Variants in GMDS observed in about 807,000 individuals in gnomAD.
The protein encoded by GMDS is GDP-mannose 4,6 dehydratase.
In GMDS, 20 loss-of-function variants were observed where a neutral mutation model predicts 49.9. The ratio of observed to expected loss-of-function variants is 0.40; its 90% CI spans 0.28 to 0.58. The LOEUF (loss-of-function observed/expected upper bound fraction) is 0.58, where lower values mean the gene tolerates loss of function less well. Among genes scored for constraint, GMDS ranks in the 20% least tolerant of loss-of-function variants. The pLI is 0.42. For missense variants in GMDS, 362 were observed against 481.4 expected, an observed-to-expected ratio of 0.75 and a Z score of 2.32; for synonymous variants, 177 against 178.6, an observed-to-expected ratio of 0.99 and a Z score of 0.07.
chr6:2,082,182 A>G (rs1478675396), intron 4 of GMDS, among the ~76,000 whole-genome samples: 1 of 152,238 alleles, frequency 6.6e-6, no homozygotes, highest in African/African-American at 2.4e-5. Flanking sequence ...GTGTGCGCAC[A>G]CACACACAAA....
intron 7 of GMDS, among the ~76,000 whole-genome samples, chr6:1,886,757 C>A (rs1471531384): frequency 6.6e-6 from 1 of 152,186 alleles, no homozygotes; most frequent in African/African-American, 2.4e-5. Context: ...TTAGATTTGA[C>A]TCTTTCAGCA....
At chr6:1,697,932 G>C (rs1182151886) in intron 9 of GMDS, among the ~76,000 whole-genome samples, 1 of 152,236 alleles carries the variant, frequency 6.6e-6, no homozygotes, top group South Asian at 2.1e-4. Flanking sequence ...ATCCAGTATG[G>C]CTGCGGACGA....
chr6:2,214,931 A>G (rs1780250508), intron 1 of GMDS, among the ~76,000 whole-genome samples: 1 of 152,218 alleles, frequency 6.6e-6, no homozygotes, highest in African/African-American at 2.4e-5. Context: ...ATGATCTTCA[A>G]TGGTTGCTGA....
At chr6:2,130,067 C>T (rs1333367503) in intron 1 of GMDS, among the ~76,000 whole-genome samples, 1 of 152,174 alleles carries the variant, frequency 6.6e-6, no homozygotes, top group East Asian at 1.9e-4. Context: ...GACTCCCAGA[C>T]CTCAGAATTT....
intron 7 of GMDS, among the ~76,000 whole-genome samples, chr6:1,767,649 A>G (rs1303854432): frequency 6.6e-6 from 1 of 152,196 alleles, no homozygotes; most frequent in Non-Finnish European, 1.5e-5. Flanking sequence ...CCGAGTCTGG[A>G]GCGAGTTTCT....
intron 7 of GMDS, among the ~76,000 whole-genome samples, chr6:1,851,980 G>A (rs1024265618): frequency 6.6e-6 from 1 of 151,916 alleles, no homozygotes. Context: ...TCACTGGCAG[G>A]GAGAGGCAGG....
chr6:2,037,550 G>C (rs75639447), intron 4 of GMDS, among the ~76,000 whole-genome samples: 2,981 of 152,272 alleles, frequency 0.02, 138 homozygotes, highest in East Asian at 0.12. Flanking sequence ...CAGACGAGAA[G>C]TACAATCCTA....
chr6:1,938,800 T>C (rs939004265), intron 6 of GMDS, among the ~76,000 whole-genome samples: 2 of 152,142 alleles, frequency 1.3e-5, no homozygotes, highest in Non-Finnish European at 2.9e-5. Context: ...TACTTTCTAC[T>C]CTCTTAATTT....
At chr6:1,650,258 C>T (rs1763611360) in intron 9 of GMDS, among the ~76,000 whole-genome samples, 1 of 152,130 alleles carries the variant, frequency 6.6e-6, no homozygotes, top group Non-Finnish European at 1.5e-5. Context: ...ACAGGATCAT[C>T]TCCTGCCCAT....
intron 7 of GMDS, among the ~76,000 whole-genome samples, chr6:1,926,986 C>T (rs201223106): frequency 1.9e-5 from 2 of 103,376 alleles, no homozygotes; most frequent in East Asian, 3.1e-4. Flanking sequence ...CAGAGGGTAG[C>T]GTGTTGATGT....
chr6:1,821,044 A>T (rs1425453757), intron 7 of GMDS, among the ~76,000 whole-genome samples: 1 of 152,120 alleles, frequency 6.6e-6, no homozygotes, highest in Non-Finnish European at 1.5e-5. Flanking sequence ...ATGCCACCTC[A>T]TTGTGTCTTG....
In GMDS at chr6:2,233,779, C is replaced by T. The variant is rs1039536517; in HGVS notation, c.102+11542G>A. Among the ~76,000 whole-genome samples, 9 of 152,278 alleles carry T rather than the reference C, an allele frequency of 5.9e-5. No homozygotes were observed. In the East Asian group the frequency reaches 1.7e-3, roughly 29 times the overall value. On this transcript the variant is annotated intron_variant, in intron 1 of 10. Coordinates refer to ENST00000380815, the MANE Select transcript of GMDS (RefSeq NM_001500.4). ...CGCCGAAGTTGCAGTGGGCAGTGAT[C>T]GCGCCACTGCACTCCAGCCTGGACA...
chr6:1,760,454 G>A (rs1428844430), intron 7 of GMDS, among the ~76,000 whole-genome samples: 2 of 152,176 alleles, frequency 1.3e-5, no homozygotes, highest in Admixed American at 6.5e-5. Context: ...AGGGGCCAGT[G>A]TGAAAGGAGC....
intron 4 of GMDS, among the ~76,000 whole-genome samples, chr6:2,058,400 A>T (rs1366860383): frequency 4.6e-5 from 7 of 152,042 alleles, no homozygotes; most frequent in Non-Finnish European, 5.9e-5. Context: ...AAATGTCCCT[A>T]AAAAAGATAC....
At chr6:2,022,419 G>A (rs1396867127) in intron 4 of GMDS, among the ~76,000 whole-genome samples, 1 of 152,068 alleles carries the variant, frequency 6.6e-6, no homozygotes, top group Non-Finnish European at 1.5e-5. Flanking sequence ...TTTTGCATTC[G>A]TGAGATTCAT....
At chr6:1,705,701 G>A (rs1482487857) in intron 9 of GMDS, among the ~76,000 whole-genome samples, 2 of 152,174 alleles carry the variant, frequency 1.3e-5, no homozygotes, top group African/African-American at 2.4e-5. Flanking sequence ...GGTGTCCATG[G>A]CAACAGAAGA....
intron 1 of GMDS, among the ~76,000 whole-genome samples, chr6:2,126,721 G>A (rs984544350): frequency 6.6e-6 from 1 of 152,090 alleles, no homozygotes; most frequent in African/African-American, 2.4e-5. Context: ...TGCAACCTCT[G>A]CCTCCGGGTT....
intron 1 of GMDS, among the ~76,000 whole-genome samples, chr6:2,180,284 T>A (rs910935123): frequency 6.6e-6 from 1 of 152,156 alleles, no homozygotes; most frequent in African/African-American, 2.4e-5. Context: ...AAACCAAACA[T>A]AAAGCACCTA....
intron 7 of GMDS, among the ~76,000 whole-genome samples, chr6:1,877,240 A>G (rs1447616672): frequency 1.3e-5 from 2 of 152,090 alleles, no homozygotes; most frequent in Non-Finnish European, 2.9e-5. Flanking sequence ...AGAGGCCAAA[A>G]AAAGGGAAGG....
Sources: allele counts gnomAD v4.1 joint callset (sites outside exome capture counted in the v4.1 genomes callset), GRCh38; gene constraint gnomAD v4.1.1; transcripts MANE v1.5; gene names NCBI Gene and HGNC (gene_info 2026-07-23, HGNC 2026-07-21).